CHD9: variants seen among roughly 807,000 people sequenced by gnomAD.
CHD9 encodes ATP-dependent chromatin remodeler CHD9.
In CHD9, 77 loss-of-function variants were observed where a neutral mutation model predicts 316.1. The ratio of observed to expected loss-of-function variants is 0.24; its 90% CI spans 0.20 to 0.29. CHD9 has a LOEUF of 0.29. Among genes scored for constraint, CHD9 ranks in the 10% least tolerant of loss-of-function variants. CHD9 has a pLI of 1.00. For missense variants in CHD9, 2,763 were observed against 3,438.1 expected (o/e 0.80, Z 4.91); for synonymous variants, 1,129 against 1,158.3 (o/e 0.97, Z 0.51).
At chr16:53,142,601 C>T (rs923622960) in intron 1 of CHD9, among the ~76,000 whole-genome samples, 54 of 152,168 alleles carry the variant, frequency 3.5e-4, no homozygotes, top group Admixed American at 3.5e-3. Flanking sequence ...GCCACTGTGC[C>T]CAGCTTAGAC....
Position 53,209,626 on chromosome 16 carries a change from G to T in CHD9, c.1597G>T (p.Ala533Ser). 1 of 1,613,830 alleles carries T rather than the reference G, an allele frequency of 6.2e-7. No individual in the cohort carries two copies. Among genetic ancestry groups the T allele is most frequent in the Non-Finnish European group, 8.5e-7 (1 of 1,179,816 alleles). Residue 533 changes from alanine to serine, a missense_variant, in exon 3 of 39, where the codon GCC becomes TCC. Ala to Ser is a moderately conservative substitution (Grantham distance 99). Around this residue, in one of 15 missense-constraint regions of CHD9, gnomAD observed 859 missense variants for 890.4 expected, o/e 0.96. Coordinates refer to ENST00000447540, the MANE Select transcript of CHD9 (RefSeq NM_001308319.2). ...AAAGGCTAATCGTATAATATCAGAG[G>T]CCATAGCAAAAGCAAAGGAGCGTGG... ...QEKANRIISE[A>S]IAKAKERGER...
chr16:53,154,395 T>C lies in CHD9; in HGVS notation c.-164-1531T>C, dbSNP rs761367719. ...TATCACTTAATCATTGTATCAAGTA[T>C]GTAGGATAGGCAGAGGGTTTTGTTG... is the stretch of plus-strand genomic sequence containing the variant. On this transcript the variant is annotated intron_variant, in intron 1 of 38. Transcript: ENST00000447540. 4.6e-5 allele frequency among the ~76,000 whole-genome samples: 7 copies of C among 152,204 alleles called. No individual in the cohort carries two copies. In the South Asian group the frequency reaches 1.4e-3, roughly 32 times the overall value.
intron 2 of CHD9, among the ~76,000 whole-genome samples, chr16:53,206,424 A>G (rs1185018670): frequency 1.3e-5 from 2 of 151,954 alleles, no homozygotes; most frequent in African/African-American, 2.4e-5. Flanking sequence ...GAATGTTACT[A>G]CTTTCCTTTG....
At chr16:53,270,636 T>TAAA (rs1461295663) in intron 22 of CHD9, among the ~76,000 whole-genome samples, 6 of 152,166 alleles carry the variant, frequency 3.9e-5, no homozygotes, top group African/African-American at 1.4e-4. Context: ...TATATACTTG[T>TAAA]ATTCTATAAT....
chr16:53,244,113 A>G (rs1468538413), intron 13 of CHD9, among the ~76,000 whole-genome samples: 1 of 152,116 alleles, frequency 6.6e-6, no homozygotes, highest in Middle Eastern at 3.4e-3. Context: ...TTATACTACC[A>G]TTAAAAATAT....
intron 1 of CHD9, among the ~76,000 whole-genome samples, chr16:53,146,090 G>A (rs1179908935): frequency 6.6e-6 from 1 of 151,166 alleles, no homozygotes; most frequent in Admixed American, 6.6e-5. Context: ...TAATGGGTAT[G>A]GAGTTAAAAT....
chr16:53,072,825 G>T (rs2034217882), intron 1 of CHD9, among the ~76,000 whole-genome samples: 1 of 151,986 alleles, frequency 6.6e-6, no homozygotes, highest in African/African-American at 2.4e-5. Flanking sequence ...CTCCTGAGTA[G>T]CTGGGACTAC....
intron 13 of CHD9, among the ~76,000 whole-genome samples, chr16:53,244,846 A>G (rs930346216): frequency 3.9e-5 from 6 of 152,224 alleles, no homozygotes; most frequent in African/African-American, 1.4e-4. Flanking sequence ...GAAAATTATG[A>G]GTCTGGGTAC....
chr16:53,276,473 C>T (rs559977152), intron 24 of CHD9, among the ~76,000 whole-genome samples: 1 of 152,242 alleles, frequency 6.6e-6, no homozygotes, highest in Admixed American at 6.5e-5. Flanking sequence ...CCAACTACCA[C>T]CCTCCAATAA....
At chr16:53,217,626 T>G (rs1463072492) in intron 3 of CHD9, among the ~76,000 whole-genome samples, 1 of 152,160 alleles carries the variant, frequency 6.6e-6, no homozygotes, top group Non-Finnish European at 1.5e-5. Flanking sequence ...GACACCAACC[T>G]AATTAATTGT....
At chr16:53,196,154 A>G (rs2044897034) in intron 2 of CHD9, among the ~76,000 whole-genome samples, 1 of 152,126 alleles carries the variant, frequency 6.6e-6, no homozygotes, top group Admixed American at 6.5e-5. Context: ...CAATCCATCA[A>G]TCTTTATTTA....
intron 1 of CHD9, among the ~76,000 whole-genome samples, chr16:53,109,677 CTTTTT>C (rs1166073629): frequency 2.8e-5 from 2 of 71,606 alleles, no homozygotes; most frequent in African/African-American, 5.9e-5. Context: ...TTCCCAGTTT[CTTTTT>C]TTTTTTTTTT....
At chr16:53,066,001 T>A (rs1223940158) in intron 1 of CHD9, among the ~76,000 whole-genome samples, 3 of 152,172 alleles carry the variant, frequency 2.0e-5, no homozygotes, top group Non-Finnish European at 4.4e-5. Flanking sequence ...TTCACTGATA[T>A]CTACTCTCCT....
intron 2 of CHD9, among the ~76,000 whole-genome samples, chr16:53,164,571 C>T (rs145022403): frequency 0.019 from 2,941 of 151,828 alleles, 107 homozygotes; most frequent in African/African-American, 0.068. Context: ...AGAGCAAGGC[C>T]CTGTCTCAAA....
At chr16:53,192,675 C>A (rs148786307) in intron 2 of CHD9, among the ~76,000 whole-genome samples, 90 of 152,238 alleles carry the variant, frequency 5.9e-4, no homozygotes, top group African/African-American at 2.1e-3. Context: ...CCCTGGCAAC[C>A]AATGATTAAT....
intron 1 of CHD9, among the ~76,000 whole-genome samples, chr16:53,059,217 A>T (rs1327392748): frequency 1.3e-5 from 2 of 152,202 alleles, no homozygotes; most frequent in African/African-American, 2.4e-5. Flanking sequence ...TCAGTAACTA[A>T]GTGGTGGTGA....
At chr16:53,289,781 G>T (rs2054177875) in intron 27 of CHD9, among the ~76,000 whole-genome samples, 1 of 152,174 alleles carries the variant, frequency 6.6e-6, no homozygotes, top group South Asian at 2.1e-4. Flanking sequence ...CCAGACTTTG[G>T]TAGGAGGATA....
chr16:53,084,464 G>A (rs1355337460), intron 1 of CHD9, among the ~76,000 whole-genome samples: 1 of 152,210 alleles, frequency 6.6e-6, no homozygotes, highest in Non-Finnish European at 1.5e-5. Flanking sequence ...CAGAAGCCTG[G>A]CAGGGTGCGG....
intron 2 of CHD9, chr16:53,208,311 G>A (rs2046043051): frequency 3.1e-6 from 4 of 1,280,040 alleles, no homozygotes; most frequent in African/African-American, 3.1e-5. Flanking sequence ...TTTGTCTGAC[G>A]CCAAAAATGT....
Sources: allele counts gnomAD v4.1 joint callset (sites outside exome capture counted in the v4.1 genomes callset), GRCh38; gene constraint gnomAD v4.1.1; regional missense constraint gnomAD v4.1.1; transcripts MANE v1.5; gene names NCBI Gene and HGNC (gene_info 2026-07-23, HGNC 2026-07-21).